The following SERINC5 variants were observed in gnomAD, a reference collection of about 807,000 sequenced individuals.
SERINC5 encodes chromosome 5 open reading frame 12.
In SERINC5, 41 loss-of-function variants were observed where a neutral mutation model predicts 63.1. The observed-to-expected ratio is 0.65, with a 90% CI of 0.51 to 0.84. The LOEUF (loss-of-function observed/expected upper bound fraction) is 0.84, where lower values mean the gene tolerates loss of function less well. Among genes scored for constraint, SERINC5 ranks in the 40% least tolerant of loss-of-function variants. SERINC5 has a pLI of 0.00. For synonymous variants in SERINC5, 222 were observed against 215.2 expected (o/e 1.03, Z -0.28); for missense variants, 523 against 573.0 (o/e 0.91, Z 0.89).
intron 1 of SERINC5, among the ~76,000 whole-genome samples, chr5:80,244,785 G>A (rs1752099878): frequency 6.6e-6 from 1 of 152,128 alleles, no homozygotes; most frequent in Non-Finnish European, 1.5e-5. Context: ...TCGTGCCATT[G>A]CACTCCAGCC....
intron 1 of SERINC5, among the ~76,000 whole-genome samples, chr5:80,243,743 T>TTAAATAAA (rs70982044): frequency 0.093 from 12,961 of 139,932 alleles, 669 homozygotes; most frequent in East Asian, 0.13. Flanking sequence ...CTGTCTCTAT[T>TTAAATAAA]TAAATAAATA....
Position 80,141,156 on chromosome 5 carries a change from T to C in SERINC5, c.*2507A>G, listed in dbSNP as rs1745481936. On this transcript the variant is annotated 3_prime_UTR_variant, in exon 12 of 12. Transcript: ENST00000507668. ...CCCTCAATCCTCAGATACATCCACA[T>C]CTGTTTTGTTCATCCAGATACACGT... The C allele has an allele frequency of 1.0e-6, 1 of 985,392 alleles. No individual in the cohort carries two copies. Among genetic ancestry groups the C allele is most frequent in the South Asian group, 4.7e-5 (1 of 21,284 alleles). 61.0% of individuals were successfully genotyped at this position (985,392 alleles called of 1,614,324 possible). A position where few individuals can be genotyped will look rare whatever the true frequency, so the allele number is the denominator to read the frequency against.
intron 2 of SERINC5, among the ~76,000 whole-genome samples, chr5:80,182,209 T>C (rs941892564): frequency 2.6e-5 from 4 of 152,134 alleles, no homozygotes; most frequent in Non-Finnish European, 5.9e-5. Flanking sequence ...TCCAACATTA[T>C]GGAAAGACAC....
chr5:80,147,382 C>T, intron 9 of SERINC5, 98 bp from the exon 10 acceptor site: 1 of 1,265,548 alleles, frequency 7.9e-7, no homozygotes, highest in Non-Finnish European at 1.1e-6. Context: ...CTCCCAGGCC[C>T]TTCAAAAGAT....
At chr5:80,200,465 G>A (rs534988845) in intron 2 of SERINC5, among the ~76,000 whole-genome samples, 4 of 149,216 alleles carry the variant, frequency 2.7e-5, no homozygotes, top group South Asian at 2.1e-4. Flanking sequence ...CAGCCTGGGC[G>A]ACAGAGCAAG....
chr5:80,213,860 AC>A (rs1750544838), intron 1 of SERINC5, among the ~76,000 whole-genome samples: 1 of 152,154 alleles, frequency 6.6e-6, no homozygotes, highest in Non-Finnish European at 1.5e-5. Context: ...ACTAATATAT[AC>A]TATACTCTAC....
intron 1 of SERINC5, among the ~76,000 whole-genome samples, chr5:80,250,611 C>T (rs941425120): frequency 6.6e-6 from 1 of 152,226 alleles, no homozygotes; most frequent in Non-Finnish European, 1.5e-5. Flanking sequence ...TAGGCGTGAG[C>T]CACCATGCCC....
In SERINC5 at chr5:80,120,287, T is replaced by C. The variant is rs114370047; in HGVS notation, c.1239-6662A>G. ...ATATGGTTCTAAGTTATAGTACCTA[T>C]TCTTGGCAAAGGCTTAAGGAACAGA... On this transcript the variant is annotated intron_variant, in intron 11 of 12. Transcript: ENST00000509193. Among the ~76,000 whole-genome samples, 644 of 152,324 alleles carry C rather than the reference T, an allele frequency of 4.2e-3. 4 individuals carry two copies. Among genetic ancestry groups the C allele is most frequent in the South Asian group, 7.5e-3 (36 of 4,830 alleles).
chr5:80,149,965 AC>A (rs1435742260), intron 9 of SERINC5, among the ~76,000 whole-genome samples: 1 of 152,200 alleles, frequency 6.6e-6, no homozygotes, highest in East Asian at 1.9e-4. Context: ...CATTTTGTTG[AC>A]TGATAGGCAT....
chr5:80,167,891 ATT>A (rs1232170127), intron 6 of SERINC5, among the ~76,000 whole-genome samples: 1 of 152,212 alleles, frequency 6.6e-6, no homozygotes, highest in Non-Finnish European at 1.5e-5. Flanking sequence ...CTTTGGTCAA[ATT>A]TGTTTCCAAA....
chr5:80,155,476 G>C (rs1309156988), intron 8 of SERINC5, among the ~76,000 whole-genome samples: 2 of 151,542 alleles, frequency 1.3e-5, no homozygotes, highest in African/African-American at 2.4e-5. Flanking sequence ...AGGAGGCTGA[G>C]GCAGGAGAAT....
At chr5:80,122,318 C>A (rs1348382434) in intron 11 of SERINC5, among the ~76,000 whole-genome samples, 1 of 151,794 alleles carries the variant, frequency 6.6e-6, no homozygotes, top group African/African-American at 2.4e-5. Context: ...GCATCCAGCA[C>A]GGGAGAAAGA....
intron 11 of SERINC5, among the ~76,000 whole-genome samples, chr5:80,125,240 T>C (rs1300215114): frequency 6.6e-6 from 1 of 152,228 alleles, no homozygotes; most frequent in East Asian, 1.9e-4. Context: ...CTACCCTCAA[T>C]GTGAGGAGAT....
chr5:80,137,139 CAAAAAA>C (rs869035894), downstream of SERINC5, among the ~76,000 whole-genome samples: 17 of 67,734 alleles, frequency 2.5e-4, no homozygotes, highest in African/African-American at 8.1e-4. Flanking sequence ...GACCCTGTCT[CAAAAAA>C]AAAAAAAAAA....
intron 7 of SERINC5, among the ~76,000 whole-genome samples, chr5:80,162,362 C>T (rs189279927): frequency 1.0e-3 from 158 of 152,200 alleles, no homozygotes; most frequent in Non-Finnish European, 9.1e-4. Flanking sequence ...TCTTTCCATT[C>T]GCTTGCATCC....
intron 1 of SERINC5, among the ~76,000 whole-genome samples, chr5:80,217,153 T>G (rs185204628): frequency 6.6e-6 from 1 of 151,738 alleles, no homozygotes; most frequent in African/African-American, 2.4e-5. Flanking sequence ...TTAAAATAAG[T>G]TTATTTAAAA....
At chr5:80,203,676 C>T (rs6868932) in intron 1 of SERINC5, among the ~76,000 whole-genome samples, 17,335 of 152,026 alleles carry the variant, frequency 0.11, 1,032 homozygotes, top group East Asian at 0.16. Context: ...TATATATATA[C>T]AAAAATTTGG....
intron 1 of SERINC5, among the ~76,000 whole-genome samples, chr5:80,231,903 C>A (rs1751455349): frequency 1.3e-5 from 2 of 151,306 alleles, no homozygotes; most frequent in Non-Finnish European, 2.9e-5. Context: ...GAGTTGGAGA[C>A]CAGCCTGGGC....
chr5:80,253,436 G>A (rs148980299), intron 1 of SERINC5, among the ~76,000 whole-genome samples: 144 of 152,198 alleles, frequency 9.5e-4, no homozygotes, highest in African/African-American at 3.3e-3. Flanking sequence ...ACTCTAGCCC[G>A]TTACAGTCCA....
Sources: allele counts gnomAD v4.1 joint callset (sites outside exome capture counted in the v4.1 genomes callset), GRCh38; gene constraint gnomAD v4.1.1; transcripts MANE v1.5; gene names NCBI Gene and HGNC (gene_info 2026-07-23, HGNC 2026-07-21).